Variants in TNR observed in about 807,000 individuals in gnomAD.
TNR encodes tenascin R, also known as tenascin-R.
Under a neutral mutation model 150.4 loss-of-function variants are expected in TNR, and 45 were observed. That is an observed-to-expected ratio of 0.30 (90% CI 0.24 to 0.38). The LOEUF (loss-of-function observed/expected upper bound fraction) is 0.38, where lower values mean the gene tolerates loss of function less well. Among genes scored for constraint, TNR ranks in the 10% least tolerant of loss-of-function variants. The pLI is 1.00. For synonymous variants in TNR, 687 were observed against 678.4 expected (o/e 1.01, Z -0.20); for missense variants, 1,544 against 1,759.1 (o/e 0.88, Z 2.19).
At chr1:175,557,025 A>G (rs2102205486) in intron 1 of TNR, among the ~76,000 whole-genome samples, 1 of 152,346 alleles carries the variant, frequency 6.6e-6, no homozygotes, top group African/African-American at 2.4e-5. Context: ...CTATGTTTCC[A>G]GTATAAGACA....
intron 1 of TNR, among the ~76,000 whole-genome samples, chr1:175,719,357 T>G (rs1027285917): frequency 6.6e-6 from 1 of 152,040 alleles, no homozygotes; most frequent in Admixed American, 6.5e-5. Context: ...GCACCCCCAT[T>G]GAAAAGTGTG....
intron 1 of TNR, among the ~76,000 whole-genome samples, chr1:175,632,603 C>G (rs1207021404): frequency 6.6e-6 from 1 of 152,136 alleles, no homozygotes; most frequent in South Asian, 2.1e-4. Context: ...TGTAAAGTAT[C>G]TAATAATTTA....
At chr1:175,648,858 C>T (rs1357689574) in intron 1 of TNR, among the ~76,000 whole-genome samples, 1 of 152,190 alleles carries the variant, frequency 6.6e-6, no homozygotes, top group East Asian at 1.9e-4. Flanking sequence ...AGGAGCCACC[C>T]TTGCTATCTC....
At chr1:175,674,567 T>G (rs1470343047) in intron 1 of TNR, among the ~76,000 whole-genome samples, 1 of 152,168 alleles carries the variant, frequency 6.6e-6, no homozygotes, top group African/African-American at 2.4e-5. Context: ...CATCACTCTG[T>G]GGGGTTAGGG....
In TNR at chr1:175,599,041, A is replaced by C. The variant is rs1285964575; in HGVS notation, c.-164-70672T>G. Among the ~76,000 whole-genome samples the C allele has an allele frequency of 6.6e-6, 1 of 152,234 alleles. No individual in the cohort carries two copies. The highest frequency in any genetic ancestry group is 2.4e-5 in the African/African-American group (1 of 41,462). On this transcript the variant is annotated intron_variant, in intron 1 of 22. Transcript: ENST00000367674. The surrounding 1 kb of genome is among the most constrained non-coding windows in gnomAD (Gnocchi z 4.7). ...CTCCAGGAGCTAAAGGGCTTCCCCA[A>C]GGTCACACGTTCAGTGACGGAGAGG... is the stretch of plus-strand genomic sequence containing the variant.
At chr1:175,544,773 G>A (rs952371267) in intron 1 of TNR, among the ~76,000 whole-genome samples, 1 of 152,120 alleles carries the variant, frequency 6.6e-6, no homozygotes, top group Admixed American at 6.5e-5. Flanking sequence ...GAACCAGTGT[G>A]GTATTATTTT....
At chr1:175,430,327 A>T (rs2102070071) in intron 2 of TNR, among the ~76,000 whole-genome samples, 1 of 152,340 alleles carries the variant, frequency 6.6e-6, no homozygotes, top group South Asian at 2.1e-4. Context: ...ATGGTAACCT[A>T]GATGACTCTT....
At chr1:175,704,194 A>G (rs930173853) in intron 1 of TNR, among the ~76,000 whole-genome samples, 7 of 152,244 alleles carry the variant, frequency 4.6e-5, no homozygotes. Context: ...CTTAAAAATG[A>G]TTAAAATGTT....
chr1:175,390,983 G>A (rs937898500), intron 7 of TNR, among the ~76,000 whole-genome samples: 7 of 152,212 alleles, frequency 4.6e-5, no homozygotes, highest in Admixed American at 3.9e-4. Context: ...AAAGATCATT[G>A]ACACCAGAGG....
chr1:175,450,522 C>G (rs1021044178), intron 2 of TNR, among the ~76,000 whole-genome samples: 7 of 152,214 alleles, frequency 4.6e-5, no homozygotes, highest in Non-Finnish European at 8.8e-5. Flanking sequence ...TGTTAGACAG[C>G]TGATAGCTCA....
At chr1:175,647,583 G>T (rs528406331) in intron 1 of TNR, among the ~76,000 whole-genome samples, 15 of 152,112 alleles carry the variant, frequency 9.9e-5, no homozygotes, top group Non-Finnish European at 1.9e-4. Context: ...TACCAAGCAC[G>T]GGAAGGAGAT....
Position 175,363,738 on chromosome 1 carries a change from A to T in TNR, c.2677T>A (p.Tyr893Asn). 6.2e-7 allele frequency: 1 copy of T among 1,613,950 alleles called. No homozygotes were observed. Among genetic ancestry groups the T allele is most frequent in the Non-Finnish European group, 8.5e-7 (1 of 1,179,884 alleles). Reference sequence around the variant, plus strand: ...GTGGGTCGATATGATACTCGGTAGTAATCGAAAGATGCAACAGGAGGGCTC... The same window carrying T: ...GTGGGTCGATATGATACTCGGTAGTTATCGAAAGATGCAACAGGAGGGCTC... Reference protein sequence around the residue: ...SWSPPVASFDYYRVSYRPTQV... With the variant: ...SWSPPVASFDNYRVSYRPTQV... Residue 893 changes from tyrosine to asparagine, a missense_variant, in exon 13 of 23, where the codon TAC (tyrosine) becomes AAC (asparagine). Physicochemically the swap from Tyr to Asn is moderately radical, Grantham distance 143. Around this residue, in one of 2 missense-constraint regions of TNR, gnomAD observed 1,254 missense variants for 1,329.4 expected, o/e 0.94. Transcript: ENST00000367674.
chr1:175,422,550 G>T (rs1235971747), intron 2 of TNR, among the ~76,000 whole-genome samples: 1 of 152,208 alleles, frequency 6.6e-6, no homozygotes, highest in East Asian at 1.9e-4. Flanking sequence ...CGAGAGGGCT[G>T]GGACCCACTG....
chr1:175,389,529 T>C (rs940789812), intron 7 of TNR, among the ~76,000 whole-genome samples: 2 of 152,224 alleles, frequency 1.3e-5, no homozygotes, highest in African/African-American at 2.4e-5. Context: ...CATTAGATCA[T>C]AGCCATTTGT....
intron 6 of TNR, 108 bp downstream of exon 6, chr1:175,393,672 G>T: frequency 3.5e-6 from 3 of 863,704 alleles, no homozygotes; most frequent in South Asian, 1.4e-5. Context: ...GTCTTTAATG[G>T]CATGGAGAGA....
At chr1:175,380,306 A>G (rs2102026171) in intron 8 of TNR, among the ~76,000 whole-genome samples, 1 of 151,308 alleles carries the variant, frequency 6.6e-6, no homozygotes, top group African/African-American at 2.4e-5. Context: ...ATCTTTGGTA[A>G]TGGAACCATG....
chr1:175,656,044 G>T (rs531604269), intron 1 of TNR, among the ~76,000 whole-genome samples: 168 of 152,284 alleles, frequency 1.1e-3, no homozygotes, highest in African/African-American at 3.8e-3. Context: ...GGAAGGGGCA[G>T]TGGCACACTG....
chr1:175,368,897 C>A (rs879311879), intron 9 of TNR, among the ~76,000 whole-genome samples: 2 of 152,172 alleles, frequency 1.3e-5, no homozygotes, highest in Admixed American at 1.3e-4. Context: ...TGCAGTGAGC[C>A]AAGATCATGC....
intron 1 of TNR, among the ~76,000 whole-genome samples, chr1:175,555,226 C>G (rs185376953): frequency 6.6e-6 from 1 of 152,282 alleles, no homozygotes; most frequent in African/African-American, 2.4e-5. Context: ...TCCCCACCCC[C>G]TATAGATACA....
Sources: allele counts gnomAD v4.1 joint callset (sites outside exome capture counted in the v4.1 genomes callset), GRCh38; gene constraint gnomAD v4.1.1; regional missense constraint gnomAD v4.1.1; non-coding constraint Gnocchi (gnomAD v3.1); transcripts MANE v1.5; gene names NCBI Gene and HGNC (gene_info 2026-07-23, HGNC 2026-07-21).